Variants in KIF21A observed in about 807,000 individuals in gnomAD.
KIF21A encodes kinesin-like protein KIF21A.
KIF21A carries 114 observed loss-of-function variants against 202.9 expected under a neutral mutation model. The observed-to-expected ratio is 0.56, with a 90% CI of 0.48 to 0.66. KIF21A has a LOEUF of 0.66. KIF21A is among the 30% of genes least tolerant of loss of function. KIF21A has a pLI of 0.00. For missense variants in KIF21A, 1,677 were observed against 1,994.9 expected, an observed-to-expected ratio of 0.84 and a Z score of 3.04; for synonymous variants, 667 against 670.8, an observed-to-expected ratio of 0.99 and a Z score of 0.09.
At chr12:39,341,260 G>A (rs1203708388) in intron 14 of KIF21A, among the ~76,000 whole-genome samples, 166 bp from the exon 15 acceptor site, 1 of 152,098 alleles carries the variant, frequency 6.6e-6, no homozygotes, top group East Asian at 1.9e-4. Flanking sequence ...ATGAGATAAA[G>A]AGTGTTCATT....
intron 1 of KIF21A, among the ~76,000 whole-genome samples, chr12:39,383,367 C>G (rs1269345606): frequency 6.6e-6 from 1 of 152,168 alleles, no homozygotes; most frequent in Non-Finnish European, 1.5e-5. Context: ...CCCCTTCCGG[C>G]AAAGGCCTAA....
chr12:39,343,795 T>G (rs1947655628), intron 12 of KIF21A, among the ~76,000 whole-genome samples: 1 of 152,232 alleles, frequency 6.6e-6, no homozygotes, highest in African/African-American at 2.4e-5. Flanking sequence ...TCTGTTTGCC[T>G]CCGCATTACA....
intron 11 of KIF21A, among the ~76,000 whole-genome samples, chr12:39,348,689 G>A (rs909992119): frequency 1.3e-5 from 2 of 151,830 alleles, no homozygotes; most frequent in African/African-American, 4.8e-5. Context: ...AAGGAAAGGA[G>A]GCAGCTGTAG....
At chr12:39,360,369 T>C (rs1949115573) in intron 7 of KIF21A, among the ~76,000 whole-genome samples, 1 of 151,610 alleles carries the variant, frequency 6.6e-6, no homozygotes, top group Non-Finnish European at 1.5e-5. Flanking sequence ...TTAGCAGTAG[T>C]TACTTCTAGG....
At chr12:39,430,959 C>T (rs1937810044) in intron 1 of KIF21A, among the ~76,000 whole-genome samples, 1 of 152,162 alleles carries the variant, frequency 6.6e-6, no homozygotes, top group South Asian at 2.1e-4. Flanking sequence ...GATGTCAGCA[C>T]CCAGAACCAG....
Position 39,319,973 on chromosome 12 carries a change from G to A in KIF21A, c.3712C>T (p.Pro1238Ser). ...SSLSEKKIPE[P>S]SPVTRRKAYE... is the part of the protein sequence containing the mutation. Reference sequence around the variant, plus strand: ...GCCTTTCTCCTTGTTACAGGAGAAGGCTCTGGAATTTTTTTTTCTGATAGA... The same window carrying A: ...GCCTTTCTCCTTGTTACAGGAGAAGACTCTGGAATTTTTTTTTCTGATAGA... Residue 1238 changes from proline to serine, a missense_variant, in exon 28 of 38, where the codon CCT (proline) becomes TCT (serine). Physicochemically the swap from Pro to Ser is moderately conservative, Grantham distance 74. Coordinates refer to ENST00000361418, the MANE Select transcript of KIF21A (RefSeq NM_001173464.2). The A allele has an allele frequency of 2.5e-6, 4 of 1,609,038 alleles. No homozygotes were observed. Among genetic ancestry groups the A allele is most frequent in the Non-Finnish European group, 3.4e-6 (4 of 1,176,868 alleles).
chr12:39,440,440 A>C (rs1939405135), intron 1 of KIF21A, among the ~76,000 whole-genome samples: 1 of 152,184 alleles, frequency 6.6e-6, no homozygotes, highest in Admixed American at 6.5e-5. Flanking sequence ...ACAGGACCTA[A>C]GTCACAGATT....
chr12:39,310,528 T>C (rs1943925651), intron 32 of KIF21A, among the ~76,000 whole-genome samples: 1 of 152,056 alleles, frequency 6.6e-6, no homozygotes, highest in African/African-American at 2.4e-5. Flanking sequence ...TTCACCTTTC[T>C]AGCCTCAATG....
chr12:39,357,506 A>G, intron 8 of KIF21A, 69 bp from the exon 9 acceptor site: 1 of 1,284,610 alleles, frequency 7.8e-7, no homozygotes, highest in South Asian at 1.2e-5. Flanking sequence ...GCTTAAGAAT[A>G]CTCTATAACT....
chr12:39,315,218 C>T lies in KIF21A; in HGVS notation c.3959+11G>A. On this transcript the variant is annotated intron_variant, in intron 31 of 37. Transcript: ENST00000361418. ...AAATGAAATTAATTTCCTCTCCCTT[C>T]CCCTGCCTACCTTCTGGAGGATCTG... 1 of 1,611,362 alleles carries T rather than the reference C, an allele frequency of 6.2e-7. No individual in the cohort carries two copies.
intron 33 of KIF21A, 80 bp from the exon 34 acceptor site, chr12:39,307,809 C>T: frequency 8.1e-7 from 1 of 1,239,362 alleles, no homozygotes; most frequent in Non-Finnish European, 1.2e-6. Flanking sequence ...TCCCAGGAAA[C>T]TGGCTGTAGG....
chr12:39,383,714 G>A (rs1161182021), intron 1 of KIF21A, among the ~76,000 whole-genome samples: 4 of 152,098 alleles, frequency 2.6e-5, no homozygotes, highest in Non-Finnish European at 4.4e-5. Flanking sequence ...TGAGAGGATC[G>A]CTTGAGCTCA....
chr12:39,439,303 A>G (rs926960938), intron 1 of KIF21A, among the ~76,000 whole-genome samples: 4 of 152,218 alleles, frequency 2.6e-5, no homozygotes, highest in Non-Finnish European at 5.9e-5. Context: ...CAATGGACAC[A>G]TACAATGTGA....
intron 17 of KIF21A, among the ~76,000 whole-genome samples, chr12:39,336,764 C>T (rs1455703493): frequency 2.0e-5 from 3 of 152,086 alleles, no homozygotes; most frequent in African/African-American, 4.8e-5. Context: ...TCTTCAGAAC[C>T]ATCCTAAACT....
rs1275921808 is a variant in KIF21A at position 39,322,839 on chromosome 12, T to C, written c.3500A>G (p.Asp1167Gly). ...TTTQMELLYA[D>G]SSELASDTST... ...AGTGTCTGAAGCTAGTTCACTGCTA[T>C]CTGCATACAGCAATTCCATCTGAGT... The change falls in exon 27 of 38, where the codon GAT (aspartate) becomes GGT (glycine). Residue 1167 changes from aspartate to glycine, a missense_variant. Physicochemically the swap from Asp to Gly is moderately conservative, Grantham distance 94 (BLOSUM62 -1). This residue lies in a region of KIF21A where 705 missense variants were observed against 791.9 expected (regional missense o/e 0.89). Coordinates refer to ENST00000361418, the MANE Select transcript of KIF21A (RefSeq NM_001173464.2). 1 of 1,601,186 alleles carries C rather than the reference T, an allele frequency of 6.2e-7. No individual in the cohort carries two copies. The highest frequency in any genetic ancestry group is 8.5e-7 in the Non-Finnish European group (1 of 1,175,246).
rs1939887928 is a variant in KIF21A, at chr12:39,443,069, G to C, written c.-99C>G. ...TCGGGCGCAGTAGGCTGGGGCGTCT[G>C]CGGGCGGGCGGCCGGCTCACCTCCG... On this transcript the variant is annotated 5_prime_UTR_variant, in exon 1 of 38. Transcript: ENST00000361418. 28 of 1,252,336 alleles carry C rather than the reference G, an allele frequency of 2.2e-5. No homozygotes were observed. In the South Asian group the frequency reaches 4.1e-4, roughly 19 times the overall value. The allele number at this position is 1,252,336 out of a possible 1,614,324, so 77.6% of individuals were successfully genotyped here.
chr12:39,433,022 A>C (rs1347562135), intron 1 of KIF21A, among the ~76,000 whole-genome samples: 1 of 152,224 alleles, frequency 6.6e-6, no homozygotes, highest in Non-Finnish European at 1.5e-5. Context: ...CACATATTAA[A>C]ACAGACTAAA....
At position 39,367,944 on chromosome 12, in the gene KIF21A, T is replaced by C; in HGVS notation, c.539A>G (p.Asp180Gly). 1 of 1,608,156 alleles carries C rather than the reference T, an allele frequency of 6.2e-7. No homozygotes were observed. Residue 180 changes from aspartate to glycine, a missense_variant, in exon 4 of 38, where the codon GAT (aspartate) becomes GGT (glycine). By Grantham distance (94) the Asp-to-Gly change is moderately conservative. This residue lies in a region of KIF21A where 966 missense variants were observed against 1,180.9 expected (regional missense o/e 0.82). Coordinates refer to ENST00000361418, the MANE Select transcript of KIF21A (RefSeq NM_001173464.2). ...SKKSNIRIHE[D>G]STGGIYTVGV... ...CACAGTATAAATTCCTCCAGTTGAA[T>C]CTTCATGAATTCTTATATTTGATTT...
intron 1 of KIF21A, among the ~76,000 whole-genome samples, chr12:39,427,347 C>G (rs1954846266): frequency 6.6e-6 from 1 of 152,178 alleles, no homozygotes. Context: ...TACATTTTTA[C>G]TAGCTGTACT....
Sources: gnomAD v4.1 joint callset for allele counts (sites outside exome capture counted in the v4.1 genomes callset) on GRCh38, gnomAD v4.1.1 for gene constraint, gnomAD v4.1.1 regional missense constraint, MANE v1.5 for transcripts, NCBI Gene and HGNC (gene_info 2026-07-23, HGNC 2026-07-21) for gene names.